Variants in LPA observed in about 807,000 individuals in gnomAD.
LPA encodes apolipoprotein(a).
Under a neutral mutation model 197.9 loss-of-function variants are expected in LPA, and 199 were observed. The ratio of observed to expected loss-of-function variants is 1.01; its 90% CI spans 0.90 to 1.13. The LOEUF (loss-of-function observed/expected upper bound fraction) is 1.13, where lower values mean the gene tolerates loss of function less well. Ranked by LOEUF, LPA falls within the 50% of genes most tolerant of loss-of-function variation. LPA has a pLI of 0.00. For synonymous variants in LPA, 715 were observed against 639.5 expected, an observed-to-expected ratio of 1.12 and a Z score of -1.78; for missense variants, 1,853 against 1,785.8, an observed-to-expected ratio of 1.04 and a Z score of -0.68.
intron 24 of LPA, among the ~76,000 whole-genome samples, chr6:160,589,151 A>G (rs966309103): frequency 6.6e-6 from 1 of 152,182 alleles, no homozygotes; most frequent in African/African-American, 2.4e-5. Flanking sequence ...GATATCCTTC[A>G]CTTGTTACCC....
intron 33 of LPA, 21 bp downstream of exon 33, chr6:160,545,419 C>T (rs746710616): frequency 3.2e-5 from 48 of 1,515,092 alleles, no homozygotes; most frequent in Non-Finnish European, 4.2e-5. Context: ...AGTTTCCTTA[C>T]CAAAACAGAA....
chr6:160,647,385 C>G (rs551956816), intron 2 of LPA, among the ~76,000 whole-genome samples: 1 of 152,256 alleles, frequency 6.6e-6, no homozygotes, highest in Non-Finnish European at 1.5e-5. Flanking sequence ...CATTCATGAC[C>G]TGTGGCTGCC....
chr6:160,574,548 G>A (rs970537253), intron 28 of LPA, among the ~76,000 whole-genome samples: 14 of 152,256 alleles, frequency 9.2e-5, no homozygotes, highest in Middle Eastern at 3.4e-3. Flanking sequence ...TGAGCTGCTT[G>A]GGGATCCAGC....
chr6:160,553,573 T>C (rs955166015), intron 30 of LPA, among the ~76,000 whole-genome samples: 1 of 152,226 alleles, frequency 6.6e-6, no homozygotes, highest in African/African-American at 2.4e-5. Context: ...ATCGGTCACT[T>C]TCATTACTGT....
Position 160,531,750 on chromosome 6 carries a change from C to T in LPA, c.6102G>A (p.Glu2034=). ...CCAATTAATTATTTCTCATCATTCC[C>T]TCAATCCAAGTAACAAACCTTGAAA... ...ARVSRFVTWI[E]GMMRNN is the part of the protein sequence containing the mutation. Residue 2034 remains glutamate (E), a synonymous_variant, in exon 39 of 39, where the codon GAG becomes GAA. Transcript: ENST00000316300. 1 of 1,614,088 alleles carries T rather than the reference C, an allele frequency of 6.2e-7. No individual in the cohort carries two copies. The highest frequency in any genetic ancestry group is 8.5e-7 in the Non-Finnish European group (1 of 1,179,986).
At chr6:160,575,381 T>G (rs140868757) in intron 28 of LPA, among the ~76,000 whole-genome samples, 2 of 152,240 alleles carry the variant, frequency 1.3e-5, no homozygotes, top group African/African-American at 4.8e-5. Flanking sequence ...ATTTTTCTCC[T>G]GGTTATGGAT....
rs1554235562 is a variant in LPA at position 160,584,273 on chromosome 6, T to TTCC, written c.4289+772_4289+773insGGA. 3.5e-3 allele frequency among the ~76,000 whole-genome samples: 357 copies of TTCC among 102,128 alleles called. 6 individuals carry two copies. Among genetic ancestry groups the TTCC allele is most frequent in the African/African-American group, 0.014 (317 of 23,198 alleles). 67.0% of individuals were successfully genotyped at this position (102,128 alleles called of 152,430 possible). On this transcript the variant is annotated intron_variant, in intron 26 of 38. Transcript: ENST00000316300. ...CCTCCTCCTCCTCTTCCTCTTCCTC[T>TTCC]TCTTCTTCTTCTTCTTCTTCCTCTT...
intron 30 of LPA, among the ~76,000 whole-genome samples, chr6:160,553,958 C>CGT (rs1166125356): frequency 0.032 from 1,111 of 34,736 alleles, 17 homozygotes; most frequent in African/African-American, 0.097. Context: ...TGTGTGTGCG[C>CGT]GCGCGCGCGT....
chr6:160,533,738 G>A (rs1488834192), intron 37 of LPA, among the ~76,000 whole-genome samples: 2 of 152,120 alleles, frequency 1.3e-5, no homozygotes, highest in African/African-American at 4.8e-5. Flanking sequence ...CATAGTAGGT[G>A]GAAATTGTCC....
At position 160,647,293 on chromosome 6, in the gene LPA, G is replaced by T. The variant is rs111883605; in HGVS notation, c.210-898C>A. Among the ~76,000 whole-genome samples, 552 of 152,278 alleles carry T rather than the reference G, an allele frequency of 3.6e-3. 2 individuals carry two copies. Among genetic ancestry groups the T allele is most frequent in the African/African-American group, 0.013 (529 of 41,574 alleles). ...TGAATTAGGAGGCAAAGCAGCTGAGGAGTTTGGGCTGCGGGGATCTTGAAG... is the reference window on the plus strand; with the variant it reads ...TGAATTAGGAGGCAAAGCAGCTGAGTAGTTTGGGCTGCGGGGATCTTGAAG... On this transcript the variant is annotated intron_variant, in intron 2 of 38. Transcript: ENST00000316300.
intron 1 of LPA, among the ~76,000 whole-genome samples, chr6:160,661,167 T>G (rs1780220016): frequency 6.6e-6 from 1 of 152,190 alleles, no homozygotes; most frequent in East Asian, 1.9e-4. Context: ...ATGTAGTGAT[T>G]TTCACAGGGT....
At chr6:160,609,162 A>G (rs1400150582) in intron 16 of LPA, among the ~76,000 whole-genome samples, 11 of 152,108 alleles carry the variant, frequency 7.2e-5, no homozygotes, top group Non-Finnish European at 1.6e-4. Context: ...TCTTATACCT[A>G]ATTCTTTCGG....
intron 33 of LPA, among the ~76,000 whole-genome samples, chr6:160,544,392 T>C (rs1295860196): frequency 2.0e-5 from 3 of 151,920 alleles, no homozygotes; most frequent in Non-Finnish European, 4.4e-5. Context: ...AAAAGTCAGC[T>C]ATCAACTCAC....
chr6:160,599,583 G>A lies in LPA; in HGVS notation c.3204C>T (p.Thr1068=). 6.2e-7 allele frequency: 1 copy of A among 1,614,094 alleles called. No homozygotes were observed. Among genetic ancestry groups the A allele is most frequent in the Non-Finnish European group, 8.5e-7 (1 of 1,179,978 alleles). ...CTTGGCAAGTTCTTCCTGTGACAGT[G>A]GTGGAGTATGTGCCTCGGTAACTCT... ...YGQSYRGTYS[T]TVTGRTCQAW... Residue 1068 remains threonine (T), a synonymous_variant, in exon 20 of 39, where the codon ACC becomes ACT. Coordinates refer to ENST00000316300, the MANE Select transcript of LPA (RefSeq NM_005577.4).
chr6:160,610,906 T>C (rs1314835410), intron 16 of LPA, among the ~76,000 whole-genome samples: 1 of 152,120 alleles, frequency 6.6e-6, no homozygotes, highest in Non-Finnish European at 1.5e-5. Flanking sequence ...ATGTCTTTGG[T>C]TGTTGATTAT....
Position 160,564,255 on chromosome 6 carries a change from G to A in LPA, c.4632-6684C>T, listed in dbSNP as rs549388372. ...TTCTTCAGGACCTCTTGTAAGGCAG[G>A]CCTGGTGTTGACAAAATTCCTCAGC... On this transcript the variant is annotated intron_variant, in intron 28 of 38. Coordinates refer to ENST00000316300, the MANE Select transcript of LPA (RefSeq NM_005577.4). 2.3e-3 allele frequency among the ~76,000 whole-genome samples: 344 copies of A among 152,254 alleles called. 1 individual carries two copies. Among genetic ancestry groups the A allele is most frequent in the African/African-American group, 7.9e-3 (327 of 41,552 alleles).
At chr6:160,605,275 G>A (rs181347826) in intron 17 of LPA, 70 bp from the exon 18 acceptor site, 1 of 1,564,174 alleles carries the variant, frequency 6.4e-7, no homozygotes, top group African/African-American at 1.3e-5. Flanking sequence ...GCCACTTATG[G>A]CACAAACCAG....
chr6:160,609,156 A>G (rs1219318004), intron 16 of LPA, among the ~76,000 whole-genome samples: 1 of 152,016 alleles, frequency 6.6e-6, no homozygotes, highest in Non-Finnish European at 1.5e-5. Flanking sequence ...TATTCTTCTT[A>G]TACCTAATTC....
At chr6:160,564,676 A>C (rs1195441493) in intron 28 of LPA, among the ~76,000 whole-genome samples, 1 of 152,168 alleles carries the variant, frequency 6.6e-6, no homozygotes, top group Non-Finnish European at 1.5e-5. Flanking sequence ...GCCCACGGAG[A>C]GTGAGCCGAA....
Sources: allele counts gnomAD v4.1 joint callset (sites outside exome capture counted in the v4.1 genomes callset), GRCh38; gene constraint gnomAD v4.1.1; transcripts MANE v1.5; gene names NCBI Gene and HGNC (gene_info 2026-07-23, HGNC 2026-07-21).